ASPH: variants seen among roughly 807,000 people sequenced by gnomAD.
ASPH encodes the protein aspartyl/asparaginyl beta-hydroxylase.
A neutral mutation model predicts 118.4 loss-of-function variants in ASPH; 100 were observed. The observed-to-expected ratio is 0.84, with a 90% CI of 0.72 to 1.00. The LOEUF is 1.00. ASPH is among the 50% of genes least tolerant of loss of function. The pLI, the probability that ASPH is intolerant of heterozygous loss-of-function variation, is 0.00. For missense variants in ASPH, 920 were observed against 919.5 expected, an observed-to-expected ratio of 1.00 and a Z score of -0.01; for synonymous variants, 315 against 325.6, an observed-to-expected ratio of 0.97 and a Z score of 0.35.
At chr8:61,660,861 G>A (rs999532134) in intron 3 of ASPH, 8 of 151,966 alleles carry the variant, frequency 5.3e-5, no homozygotes, top group Admixed American at 3.3e-4. Flanking sequence ...ATCAATTTTT[G>A]TGGACCAGAG....
chr8:61,526,409 A>T (rs1404244383), intron 21 of ASPH, among the ~76,000 whole-genome samples: 1 of 152,144 alleles, frequency 6.6e-6, no homozygotes, highest in Non-Finnish European at 1.5e-5. Context: ...TGAAACCACA[A>T]CCTAAGAAGA....
rs149651805 is a variant in ASPH, at chr8:61,533,480, G to A, written c.1765-7368C>T. ...ATTCTTTTTGTTTTGTTCATCTTTCGTGTTAAAAATCTCCTTAATGTTTCG... is the reference window on the plus strand; with the variant it reads ...ATTCTTTTTGTTTTGTTCATCTTTCATGTTAAAAATCTCCTTAATGTTTCG... On this transcript the variant is annotated intron_variant, in intron 21 of 24. Coordinates refer to ENST00000379454, the MANE Select transcript of ASPH (RefSeq NM_004318.4). Among the ~76,000 whole-genome samples, 103 of 151,934 alleles carry A rather than the reference G, an allele frequency of 6.8e-4. 1 individual carries two copies. The Middle Eastern group carries it at 0.027, about 40-fold the overall frequency.
At chr8:61,542,945 C>T (rs1822491204) in intron 21 of ASPH, among the ~76,000 whole-genome samples, 1 of 152,156 alleles carries the variant, frequency 6.6e-6, no homozygotes, top group South Asian at 2.1e-4. Context: ...GGCTGTTCAT[C>T]TTAAAAGGAA....
intron 14 of ASPH, among the ~76,000 whole-genome samples, chr8:61,585,395 C>A (rs765883523): frequency 2.6e-5 from 4 of 152,030 alleles, no homozygotes; most frequent in Non-Finnish European, 4.4e-5. Context: ...GGGATAGAGA[C>A]GAATTAAAAC....
At chr8:61,567,052 T>C (rs966719427) in intron 17 of ASPH, 116 bp downstream of exon 17, 4 of 1,277,624 alleles carry the variant, frequency 3.1e-6, no homozygotes, top group South Asian at 1.5e-5. Flanking sequence ...TTGAAATCAG[T>C]TGTAAAACTC....
chr8:61,661,674 T>C, intron 3 of ASPH: 1 of 300,686 alleles, frequency 3.3e-6, no homozygotes, highest in Non-Finnish European at 6.1e-6. Flanking sequence ...GTTTACTTCT[T>C]TTCTTTTTCA....
In ASPH at chr8:61,684,081, C is replaced by A; in HGVS notation, c.211G>T (p.Ala71Ser). ...TCAACAAGATCAAACCAAACGACAG[C>A]TACAGATGTCCAGACGCCCAGCAAT... ...IALLGVWTSV[A>S]VVWFDLVDYE... The change falls in exon 2 of 25, where the codon GCT (alanine) becomes TCT (serine). Residue 71 changes from alanine to serine, a missense_variant. Physicochemically the swap from Ala to Ser is moderately conservative, Grantham distance 99. Coordinates refer to ENST00000379454, the MANE Select transcript of ASPH (RefSeq NM_004318.4). 1 of 1,613,764 alleles carries A rather than the reference C, an allele frequency of 6.2e-7. No individual in the cohort carries two copies. The highest frequency in any genetic ancestry group is 2.2e-5 in the East Asian group (1 of 44,864).
At chr8:61,683,809 C>A in intron 2 of ASPH, 1 of 410,518 alleles carries the variant, frequency 2.4e-6, no homozygotes, top group Admixed American at 3.9e-5. Flanking sequence ...GTGTGACAGA[C>A]ATACAATATA....
intron 13 of ASPH, among the ~76,000 whole-genome samples, chr8:61,630,283 G>A (rs527798037): frequency 6.2e-4 from 94 of 152,262 alleles, no homozygotes; most frequent in African/African-American, 2.1e-3. Context: ...CTCAATTTGA[G>A]TCTTCCACTG....
At chr8:61,682,245 A>G (rs566320334) in intron 2 of ASPH, among the ~76,000 whole-genome samples, 1 of 152,178 alleles carries the variant, frequency 6.6e-6, no homozygotes, top group Admixed American at 6.5e-5. Flanking sequence ...AAAAAGTACT[A>G]ATCAAGGCTA....
chr8:61,546,091 C>T (rs76787457), intron 21 of ASPH, among the ~76,000 whole-genome samples: 23 of 152,294 alleles, frequency 1.5e-4, no homozygotes, highest in Non-Finnish European at 3.1e-4. Context: ...AGGCCATTTA[C>T]GGCTGGGGTG....
rs1456320597 is a variant in ASPH, at chr8:61,647,595, T to G, written c.491-717A>C. Among the ~76,000 whole-genome samples the G allele has an allele frequency of 2.6e-5, 4 of 152,044 alleles. No homozygotes were observed. In the East Asian group the frequency reaches 7.7e-4, roughly 29 times the overall value. On this transcript the variant is annotated intron_variant, in intron 5 of 24. Coordinates refer to ENST00000379454, the MANE Select transcript of ASPH (RefSeq NM_004318.4). ...CTGAGGCAGGAGAATCGCTTGAACC[T>G]GGGGGGCAGAAGTTGCAGTTAGCCA...
chr8:61,561,991 A>G lies in ASPH; in HGVS notation c.1437+753T>C, dbSNP rs1480673639. 2.0e-5 allele frequency among the ~76,000 whole-genome samples: 3 copies of G among 152,212 alleles called. No homozygotes were observed. The East Asian group carries it at 5.8e-4, about 29-fold the overall frequency. ...TCATACTATCACTGAGTGGTAGCAT[A>G]TTGATGTAGACTTCACCAGCTTGAA... On this transcript the variant is annotated intron_variant, in intron 18 of 24. Coordinates refer to ENST00000379454, the MANE Select transcript of ASPH (RefSeq NM_004318.4).
intron 3 of ASPH, among the ~76,000 whole-genome samples, chr8:61,654,512 G>A (rs1447885775): frequency 2.0e-5 from 3 of 152,166 alleles, no homozygotes; most frequent in Non-Finnish European, 2.9e-5. Context: ...GGAAGGTCAA[G>A]GTGATGTGAA....
At chr8:61,568,535 T>C (rs1832518411) in intron 16 of ASPH, among the ~76,000 whole-genome samples, 1 of 152,100 alleles carries the variant, frequency 6.6e-6, no homozygotes, top group Admixed American at 6.5e-5. Context: ...ACCTAAAATG[T>C]CTATAAGATA....
At chr8:61,561,117 AGGG>A (rs1318772532) in intron 18 of ASPH, among the ~76,000 whole-genome samples, 1 of 54,140 alleles carries the variant, frequency 1.8e-5, no homozygotes, top group Non-Finnish European at 3.9e-5. Flanking sequence ...GGAGGGAGGG[AGGG>A]AGGGAGGGAG....
At chr8:61,590,132 T>A (rs1587753186) in intron 14 of ASPH, among the ~76,000 whole-genome samples, 1 of 152,072 alleles carries the variant, frequency 6.6e-6, no homozygotes, top group East Asian at 1.9e-4. Flanking sequence ...AACACATAAA[T>A]TTTCTTACAA....
chr8:61,535,179 T>G (rs900601043), intron 21 of ASPH, among the ~76,000 whole-genome samples: 2 of 152,180 alleles, frequency 1.3e-5, no homozygotes, highest in Non-Finnish European at 2.9e-5. Flanking sequence ...GGGAGTAGAA[T>G]TTCAGAGTAG....
intron 20 of ASPH, among the ~76,000 whole-genome samples, chr8:61,549,809 G>A (rs1825241017): frequency 6.6e-6 from 1 of 152,104 alleles, no homozygotes; most frequent in Non-Finnish European, 1.5e-5. Flanking sequence ...TCATTTTAAG[G>A]ATAAAGTGTA....
Sources: gnomAD v4.1 joint callset for allele counts (sites outside exome capture counted in the v4.1 genomes callset) on GRCh38, gnomAD v4.1.1 for gene constraint, MANE v1.5 for transcripts, NCBI Gene and HGNC (gene_info 2026-07-23, HGNC 2026-07-21) for gene names.